SNN: variants seen among roughly 807,000 people sequenced by gnomAD.
SNN encodes AG8_1.
A neutral mutation model predicts 5.3 loss-of-function variants in SNN; 5 were observed. The ratio of observed to expected loss-of-function variants is 0.94; its 90% CI spans 0.49 to 1.97. The LOEUF is 1.97. SNN is among the 30% of genes most tolerant of loss of function. The pLI is 0.01. For missense variants in SNN, 127 were observed against 121.6 expected (o/e 1.04, Z -0.21); for synonymous variants, 67 against 52.1 (o/e 1.29, Z -1.24).
At chr16:11,673,909 CAG>C (rs776252991) in intron 1 of SNN, among the ~76,000 whole-genome samples, 10 of 152,330 alleles carry the variant, frequency 6.6e-5, no homozygotes, top group East Asian at 1.9e-4. Context: ...CTCCTGGAGT[CAG>C]GGGGAAGGCA....
In SNN at chr16:11,676,475, C is replaced by G; in HGVS notation, c.*149C>G. The G allele has an allele frequency of 1.0e-6, 1 of 1,000,838 alleles. No individual in the cohort carries two copies. Among genetic ancestry groups the G allele is most frequent in the East Asian group, 2.6e-5 (1 of 37,882 alleles). The allele number at this position is 1,000,838 out of a possible 1,614,324, so 62.0% of individuals were successfully genotyped here. ...GCTTCGTCATCGCATGCACTGATGC[C>G]CGGGGACCTGGCTGTCCTGGGCTTC... On this transcript the variant is annotated 3_prime_UTR_variant, in exon 2 of 2. Coordinates refer to ENST00000329565, the MANE Select transcript of SNN (RefSeq NM_003498.6).
intron 1 of SNN, among the ~76,000 whole-genome samples, chr16:11,675,144 C>T (rs1198354504): frequency 6.6e-6 from 1 of 152,046 alleles, no homozygotes; most frequent in East Asian, 1.9e-4. Flanking sequence ...GTGACAAAGG[C>T]TGTTGTCCAG....
chr16:11,670,542 T>C (rs2083946070), intron 1 of SNN, among the ~76,000 whole-genome samples: 1 of 152,228 alleles, frequency 6.6e-6, no homozygotes, highest in African/African-American at 2.4e-5. Context: ...GCTGGTGACA[T>C]GCAAACCTGG....
At chr16:11,673,917 A>T (rs542460742) in intron 1 of SNN, among the ~76,000 whole-genome samples, 1 of 152,326 alleles carries the variant, frequency 6.6e-6, no homozygotes, top group East Asian at 1.9e-4. Flanking sequence ...GTCAGGGGGA[A>T]GGCAGTGGAA....
In SNN at chr16:11,676,003, C is replaced by G. The variant is rs1597389692; in HGVS notation, c.-57C>G. On this transcript the variant is annotated 5_prime_UTR_variant, in exon 2 of 2. Transcript: ENST00000329565. ...TCCCGTGTCCAGCCTGAGTTCCAGCCTCACTGAGTGGCCACCCCCAAAGTG... is the reference window on the plus strand; with the variant it reads ...TCCCGTGTCCAGCCTGAGTTCCAGCGTCACTGAGTGGCCACCCCCAAAGTG... The G allele has an allele frequency of 1.3e-6, 2 of 1,526,720 alleles. No homozygotes were observed. The highest frequency in any genetic ancestry group is 1.3e-5 in the South Asian group (1 of 79,268). 94.6% of individuals were successfully genotyped at this position (1,526,720 alleles called of 1,614,324 possible). A position where few individuals can be genotyped will look rare whatever the true frequency, so the allele number is the denominator to read the frequency against.
At chr16:11,675,937 G>C in intron 1 of SNN, 38 bp from the exon 2 acceptor site, 1 of 1,027,044 alleles carries the variant, frequency 9.7e-7, no homozygotes, top group Non-Finnish European at 1.4e-6. Flanking sequence ...CCCCGTGGAA[G>C]TGCTAACCGC....
chr16:11,668,885 G>C lies in SNN; in HGVS notation c.-86+345G>C, dbSNP rs962036549. 3.3e-5 allele frequency among the ~76,000 whole-genome samples: 5 copies of C among 151,704 alleles called. No homozygotes were observed. The highest frequency in any genetic ancestry group is 4.8e-5 in the African/African-American group (2 of 41,418). On this transcript the variant is annotated intron_variant, in intron 1 of 1. Transcript: ENST00000329565. This position sits in a 1 kb window ranked among gnomAD's most constrained non-coding sequence, Gnocchi z 6.8. ...GCTCCCGCCTTCCCCCGGCATTTCG[G>C]GGTTCTTCAAAATTCTGGGAGCTCC...
intron 1 of SNN, among the ~76,000 whole-genome samples, chr16:11,669,731 G>T (rs747770848): frequency 6.6e-6 from 1 of 152,230 alleles, no homozygotes; most frequent in Admixed American, 6.5e-5. Flanking sequence ...AATGACCAGC[G>T]GGTGATTCAC....
intron 1 of SNN, among the ~76,000 whole-genome samples, chr16:11,674,508 A>G (rs2050285865): frequency 6.6e-6 from 1 of 152,226 alleles, no homozygotes; most frequent in Non-Finnish European, 1.5e-5. Context: ...TGTGCATTCC[A>G]TAGCCACACT....
intron 1 of SNN, among the ~76,000 whole-genome samples, chr16:11,669,111 C>G (rs2050248566): frequency 1.3e-5 from 2 of 152,182 alleles, no homozygotes; most frequent in Non-Finnish European, 2.9e-5. Context: ...GCTGCCGTCC[C>G]CTCTCCAGCT....
rs755249521 is a variant in SNN at position 11,676,512 on chromosome 16, C to T, written c.*186C>T. On this transcript the variant is annotated 3_prime_UTR_variant, in exon 2 of 2. Transcript: ENST00000329565. ...CTGTCCTGGGCTTCCCCTCGGCCTC[C>T]AGGTGAGGCTGCCCATTGCAGGCAC... The T allele has an allele frequency of 8.5e-6, 6 of 703,616 alleles. No individual in the cohort carries two copies. Among genetic ancestry groups the T allele is most frequent in the African/African-American group, 5.4e-5 (3 of 55,502 alleles). 43.6% of individuals were successfully genotyped at this position (703,616 alleles called of 1,614,324 possible). A position where few individuals can be genotyped will look rare whatever the true frequency, so the allele number is the denominator to read the frequency against.
chr16:11,669,428 G>C (rs1027036734), intron 1 of SNN, among the ~76,000 whole-genome samples: 2 of 152,234 alleles, frequency 1.3e-5, no homozygotes, highest in African/African-American at 4.8e-5. Context: ...TTTAGAGTCA[G>C]GGTCGAAATG....
rs1410555094 is a variant in SNN at position 11,677,104 on chromosome 16, G to C, written c.*778G>C. 6.0e-6 allele frequency: 1 copy of C among 167,168 alleles called. No individual in the cohort carries two copies. The highest frequency in any genetic ancestry group is 1.5e-5 in the Non-Finnish European group (1 of 68,162). The allele number at this position is 167,168 out of a possible 1,614,324, so 10.4% of individuals were successfully genotyped here. On this transcript the variant is annotated 3_prime_UTR_variant, in exon 2 of 2. Transcript: ENST00000329565. The surrounding 1 kb of genome is among the most constrained non-coding windows in gnomAD (Gnocchi z 4.2). ...CCTGGAGGCTGCCAGCGTCCTTGTAGCAGAGCAGTTTCTTGCCGCTTGGGT... is the reference window on the plus strand; with the variant it reads ...CCTGGAGGCTGCCAGCGTCCTTGTACCAGAGCAGTTTCTTGCCGCTTGGGT...
In SNN at chr16:11,668,477, G is replaced by T. The variant is rs1408767074; in HGVS notation, c.-149G>T. 6.8e-6 allele frequency: 1 copy of T among 146,216 alleles called. No homozygotes were observed. Among genetic ancestry groups the T allele is most frequent in the East Asian group, 2.0e-4 (1 of 5,016 alleles). The allele number at this position is 146,216 out of a possible 1,614,324, so 9.1% of individuals were successfully genotyped here. On this transcript the variant is annotated 5_prime_UTR_variant, in exon 1 of 2. Coordinates refer to ENST00000329565, the MANE Select transcript of SNN (RefSeq NM_003498.6). The surrounding 1 kb of genome is among the most constrained non-coding windows in gnomAD (Gnocchi z 6.8). ...CCCGAGTGCGCGGCGGCCGGACCGGGCGGGCGGAGCCGGGCCCGCGGGGCT... is the reference window on the plus strand; with the variant it reads ...CCCGAGTGCGCGGCGGCCGGACCGGTCGGGCGGAGCCGGGCCCGCGGGGCT...
At chr16:11,670,733 G>T (rs1317935121) in intron 1 of SNN, among the ~76,000 whole-genome samples, 1 of 152,212 alleles carries the variant, frequency 6.6e-6, no homozygotes, top group Non-Finnish European at 1.5e-5. Context: ...GGAGGATGGA[G>T]GGGACTCCAG....
In SNN at chr16:11,675,942, A is replaced by AT. The variant is rs1289694941; in HGVS notation, c.-85-33_-85-32insT. 1.4e-5 allele frequency: 15 copies of AT among 1,092,138 alleles called. 1 individual carries two copies. 67.7% of individuals were successfully genotyped at this position (1,092,138 alleles called of 1,614,324 possible). A position where few individuals can be genotyped will look rare whatever the true frequency, so the allele number is the denominator to read the frequency against. ...TAAAAATAGACCCCGTGGAAGTGCT[A>AT]ACCGCAGCTCGTCAACCTGCTTTGT... On this transcript the variant is annotated intron_variant, in intron 1 of 1. Transcript: ENST00000329565.
At chr16:11,669,583 T>C (rs1402968105) in intron 1 of SNN, among the ~76,000 whole-genome samples, 1 of 152,226 alleles carries the variant, frequency 6.6e-6, no homozygotes, top group Non-Finnish European at 1.5e-5. Flanking sequence ...AACTGCCCTG[T>C]TGTCTTGAGG....
rs546033582 is a variant in SNN, at chr16:11,677,710, T to G, written c.*1384T>G. ...GATTTTTAATCCCACCACAAGCACA[T>G]ACTAATTTTATTTATGATTCAAATG... On this transcript the variant is annotated 3_prime_UTR_variant, in exon 2 of 2. Transcript: ENST00000329565. This position sits in a 1 kb window ranked among gnomAD's most constrained non-coding sequence, Gnocchi z 4.2. The G allele has an allele frequency of 6.0e-6, 1 of 167,052 alleles. No individual in the cohort carries two copies. Among genetic ancestry groups the G allele is most frequent in the Non-Finnish European group, 1.5e-5 (1 of 68,104 alleles). 10.3% of individuals were successfully genotyped at this position (167,052 alleles called of 1,614,324 possible).
At position 11,672,500 on chromosome 16, in the gene SNN, G is replaced by C. The variant is rs539839553; in HGVS notation, c.-85-3475G>C. 7.1e-4 allele frequency among the ~76,000 whole-genome samples: 108 copies of C among 152,336 alleles called. No homozygotes were observed. The highest frequency in any genetic ancestry group is 2.4e-3 in the African/African-American group (101 of 41,570). ...GTGGGCTCGCAGCGGAGGGTGTGGG[G>C]ACGCCTGGGGAGGCAGGGAGCTTGG... On this transcript the variant is annotated intron_variant, in intron 1 of 1. Transcript: ENST00000329565. This position sits in a 1 kb window ranked among gnomAD's most constrained non-coding sequence, Gnocchi z 6.0.
Sources: gnomAD v4.1 joint callset for allele counts (sites outside exome capture counted in the v4.1 genomes callset) on GRCh38, gnomAD v4.1.1 for gene constraint, Gnocchi (gnomAD v3.1) non-coding constraint, MANE v1.5 for transcripts, NCBI Gene and HGNC (gene_info 2026-07-23, HGNC 2026-07-21) for gene names.